Variants in NPAS2 observed in about 807,000 individuals in gnomAD.
The protein encoded by NPAS2 is neuronal PAS domain protein 2.
NPAS2 carries 23 observed loss-of-function variants against 107.5 expected under a neutral mutation model. The observed-to-expected ratio is 0.21, with a 90% CI of 0.15 to 0.30. The LOEUF (loss-of-function observed/expected upper bound fraction) is 0.30, where lower values mean the gene tolerates loss of function less well. NPAS2 is among the 10% of genes least tolerant of loss of function. The pLI is 1.00. For synonymous variants in NPAS2, 403 were observed against 417.5 expected, an observed-to-expected ratio of 0.97 and a Z score of 0.42; for missense variants, 756 against 1,043.3, an observed-to-expected ratio of 0.72 and a Z score of 3.79.
rs375863172 is a variant in NPAS2 at position 100,965,164 on chromosome 2, G to A, written c.800+221G>A. 9.4e-4 allele frequency among the ~76,000 whole-genome samples: 143 copies of A among 152,244 alleles called. 1 individual carries two copies. In the South Asian group the frequency reaches 0.011, roughly 11 times the overall value. On this transcript the variant is annotated intron_variant, in intron 9 of 20. Transcript: ENST00000335681. This position sits in a 1 kb window ranked among gnomAD's most constrained non-coding sequence, Gnocchi z 4.3. ...TGTTTGGGTCTGATGGCTCAGCCCC[G>A]GGCCATCTTTGGGATGATCCTCACT... is the stretch of plus-strand genomic sequence containing the variant.
intron 7 of NPAS2, among the ~76,000 whole-genome samples, chr2:100,961,871 G>C (rs1347160409): frequency 6.6e-6 from 1 of 152,164 alleles, no homozygotes; most frequent in Non-Finnish European, 1.5e-5. Context: ...TTAAATTCCT[G>C]GGAGGCCCTC....
chr2:100,936,975 A>G, intron 4 of NPAS2, among the ~76,000 whole-genome samples: 1 of 113,142 alleles, frequency 8.8e-6, no homozygotes, highest in Non-Finnish European at 1.7e-5. Context: ...GTGAGACTCC[A>G]TCTCAAAAAA....
At chr2:100,902,570 G>A (rs1681855377) in intron 1 of NPAS2, among the ~76,000 whole-genome samples, 1 of 152,206 alleles carries the variant, frequency 6.6e-6, no homozygotes, top group Admixed American at 6.5e-5. Context: ...AGGGAATGGG[G>A]ACTTCTTGTT....
chr2:100,933,701 A>G (rs1684126938), intron 4 of NPAS2, among the ~76,000 whole-genome samples: 1 of 152,174 alleles, frequency 6.6e-6, no homozygotes, highest in Non-Finnish European at 1.5e-5. Context: ...ATAAGCCTCT[A>G]CAGAAACAAC....
chr2:100,897,684 C>G (rs1319002868), intron 1 of NPAS2, among the ~76,000 whole-genome samples: 1 of 152,180 alleles, frequency 6.6e-6, no homozygotes, highest in East Asian at 1.9e-4. Flanking sequence ...CTCCCCGAAC[C>G]CCGTCCCACC....
intron 1 of NPAS2, among the ~76,000 whole-genome samples, chr2:100,841,200 C>T (rs958720047): frequency 5.3e-5 from 8 of 152,044 alleles, no homozygotes; most frequent in East Asian, 1.9e-4. Flanking sequence ...TTTGGGAGGC[C>T]GAGGCAGGTG....
intron 2 of NPAS2, among the ~76,000 whole-genome samples, chr2:100,912,259 A>T (rs13008303): frequency 0.013 from 1,077 of 82,834 alleles, 18 homozygotes; most frequent in East Asian, 0.12. Flanking sequence ...TTTATTTATT[A>T]TTATTATTTT....
At chr2:100,909,236 C>G (rs148723684) in intron 2 of NPAS2, among the ~76,000 whole-genome samples, 43 of 152,312 alleles carry the variant, frequency 2.8e-4, no homozygotes, top group African/African-American at 7.9e-4. Flanking sequence ...ATCCTGCCCT[C>G]AGAGCGCTTT....
chr2:100,902,489 A>G (rs1265613764), intron 1 of NPAS2, among the ~76,000 whole-genome samples: 1 of 152,264 alleles, frequency 6.6e-6, no homozygotes, highest in Admixed American at 6.5e-5. Flanking sequence ...TTGCACTTAC[A>G]TGACAGACCT....
rs755815520 is a variant in NPAS2, at chr2:100,988,197, C to G, written c.1748C>G (p.Pro583Arg). Residue 583 changes from proline (P) to arginine (R), a missense_variant, in exon 17 of 21, where the codon CCC becomes CGC. Around this residue, in one of 4 missense-constraint regions of NPAS2, gnomAD observed 496 missense variants for 594.4 expected, o/e 0.83. Transcript: ENST00000335681. The part of the protein sequence containing the change: ...AVTQPQLGAG[P>R]QLPGQISSAQ... ...ACTCAGCCCCAGCTCGGGGCGGGCC[C>G]CCAACTTCCAGGGCAGATCTCCTCT... 6.2e-7 allele frequency: 1 copy of G among 1,614,172 alleles called. No homozygotes were observed. The highest frequency in any genetic ancestry group is 1.3e-5 in the African/African-American group (1 of 75,052).
At chr2:100,983,956 A>C (rs1041414716) in intron 16 of NPAS2, 35 of 152,170 alleles carry the variant, frequency 2.3e-4, no homozygotes, top group Non-Finnish European at 4.9e-4. Context: ...CAGTGCCTGG[A>C]GTTTTTCTAC....
intron 1 of NPAS2, among the ~76,000 whole-genome samples, chr2:100,835,895 A>G (rs563671690): frequency 1.6e-4 from 25 of 152,338 alleles, no homozygotes; most frequent in South Asian, 4.1e-4. Flanking sequence ...CACAGACCTC[A>G]GCACTCAATG....
intron 7 of NPAS2, among the ~76,000 whole-genome samples, chr2:100,954,220 G>GT (rs1310694117): frequency 6.6e-6 from 1 of 152,206 alleles, no homozygotes; most frequent in Non-Finnish European, 1.5e-5. Context: ...GAAGGACCTG[G>GT]TTGGGGTGTG....
At chr2:100,914,583 A>G (rs1558867784) in intron 2 of NPAS2, among the ~76,000 whole-genome samples, 1 of 152,100 alleles carries the variant, frequency 6.6e-6, no homozygotes, top group Non-Finnish European at 1.5e-5. Context: ...ACCCAGAAAT[A>G]TGTTTCTTCA....
rs59613999 is a variant in NPAS2 at position 100,852,085 on chromosome 2, T to G, written c.-23+31671T>G. Among the ~76,000 whole-genome samples, 1,163 of 152,254 alleles carry G rather than the reference T, an allele frequency of 7.6e-3. 19 individuals carry two copies. The highest frequency in any genetic ancestry group is 0.027 in the African/African-American group (1,115 of 41,540). Reference sequence around the variant, plus strand: ...GTGAGGTTCCAGCAGGTTAGATAACTTGCCTTGGGTTTAGCAAATAAAAGT... The same window carrying G: ...GTGAGGTTCCAGCAGGTTAGATAACGTGCCTTGGGTTTAGCAAATAAAAGT... On this transcript the variant is annotated intron_variant, in intron 1 of 20. Transcript: ENST00000335681.
intron 1 of NPAS2, among the ~76,000 whole-genome samples, chr2:100,858,677 A>G (rs1001512074): frequency 6.6e-6 from 1 of 152,180 alleles, no homozygotes; most frequent in African/African-American, 2.4e-5. Context: ...AGATCTCACA[A>G]TAGGTCCCAG....
intron 7 of NPAS2, among the ~76,000 whole-genome samples, chr2:100,952,151 CAA>C (rs35401096): frequency 2.7e-4 from 18 of 66,826 alleles, no homozygotes; most frequent in Admixed American, 3.5e-4. Flanking sequence ...GACTCTGTCT[CAA>C]AAAAAAAAAA....
chr2:100,909,675 C>T (rs1682408181), intron 2 of NPAS2, among the ~76,000 whole-genome samples: 2 of 151,630 alleles, frequency 1.3e-5, no homozygotes, highest in South Asian at 2.1e-4. Context: ...TTACTTACAT[C>T]ATCATAAGCT....
chr2:100,917,913 G>A (rs1682989650), intron 2 of NPAS2, among the ~76,000 whole-genome samples: 1 of 152,134 alleles, frequency 6.6e-6, no homozygotes, highest in Admixed American at 6.6e-5. Context: ...CTTCCAGAAA[G>A]TTGAAGATAA....
Sources: allele counts gnomAD v4.1 joint callset (sites outside exome capture counted in the v4.1 genomes callset), GRCh38; gene constraint gnomAD v4.1.1; regional missense constraint gnomAD v4.1.1; non-coding constraint Gnocchi (gnomAD v3.1); transcripts MANE v1.5; gene names NCBI Gene and HGNC (gene_info 2026-07-23, HGNC 2026-07-21).